The following CACNA1C variants were observed in gnomAD, a reference collection of about 807,000 sequenced individuals.
CACNA1C encodes calcium voltage-gated channel subunit alpha1 C.
In CACNA1C, 30 loss-of-function variants were observed where a neutral mutation model predicts 229.0. That is an observed-to-expected ratio of 0.13 (90% CI 0.10 to 0.18). CACNA1C has a LOEUF of 0.18. Among genes scored for constraint, CACNA1C ranks in the 10% least tolerant of loss-of-function variants. CACNA1C has a pLI of 1.00. For missense variants in CACNA1C, 1,658 were observed against 2,845.0 expected (o/e 0.58, Z 9.49); for synonymous variants, 1,114 against 1,132.5 (o/e 0.98, Z 0.33).
chr12:2,409,469 C>G (rs912861699), intron 3 of CACNA1C, among the ~76,000 whole-genome samples: 4 of 152,184 alleles, frequency 2.6e-5, no homozygotes, highest in African/African-American at 9.7e-5. Context: ...CGTAGGTGTG[C>G]CCTCCTTGAT....
chr12:2,381,306 T>C (rs191876425), intron 3 of CACNA1C, among the ~76,000 whole-genome samples: 5 of 152,356 alleles, frequency 3.3e-5, no homozygotes, highest in African/African-American at 1.2e-4. Flanking sequence ...AACCAAAGGC[T>C]AAGGGCCACC....
chr12:2,084,246 A>G (rs2066721243), intron 1 of CACNA1C, among the ~76,000 whole-genome samples: 1 of 152,102 alleles, frequency 6.6e-6, no homozygotes, highest in Non-Finnish European at 1.5e-5. Flanking sequence ...GTGGTCATCT[A>G]GTTTCTACTT....
At chr12:1,991,752 G>A (rs936297896) in intron 1 of CACNA1C, 4 of 155,456 alleles carry the variant, frequency 2.6e-5, no homozygotes, top group African/African-American at 9.7e-5. Context: ...GACTTAAGAA[G>A]GTTATTTTTT....
In CACNA1C at chr12:2,204,029, C is replaced by T. The variant is rs145702677; in HGVS notation, c.477+83599C>T. On this transcript the variant is annotated intron_variant, in intron 3 of 46. Transcript: ENST00000399655. ...GAGTTAGGAATGAATCAGAAGCAGA[C>T]GAGGGACATTTAAAACCTCTTAGAT... Among the ~76,000 whole-genome samples the T allele has an allele frequency of 2.9e-3, 439 of 152,304 alleles. 2 individuals carry two copies. Among genetic ancestry groups the T allele is most frequent in the Non-Finnish European group, 3.1e-3 (209 of 68,020 alleles).
rs1204791018 is a variant in CACNA1C, at chr12:2,581,748, G to A, written c.2054G>A (p.Arg685Gln). The A allele has an allele frequency of 2.5e-6, 4 of 1,613,096 alleles. No individual in the cohort carries two copies. Among genetic ancestry groups the A allele is most frequent in the Admixed American group, 1.7e-5 (1 of 59,942 alleles). Residue 685 changes from arginine to glutamine, a missense_variant, in exon 14 of 47, where the codon CGG becomes CAG. Coordinates refer to ENST00000399655, the MANE Select transcript of CACNA1C (RefSeq NM_000719.7). Reference sequence around the variant, plus strand: ...TTCAACTTTGATGAGATGCAGACCCGGAGGAGCACATTCGATAACTTCCCC... The same window carrying A: ...TTCAACTTTGATGAGATGCAGACCCAGAGGAGCACATTCGATAACTTCCCC... ...GKFNFDEMQT[R>Q]RSTFDNFPQS... is the part of the protein sequence containing the mutation.
chr12:2,245,696 C>G (rs1253143940), intron 3 of CACNA1C, among the ~76,000 whole-genome samples: 1 of 152,186 alleles, frequency 6.6e-6, no homozygotes, highest in Non-Finnish European at 1.5e-5. Context: ...ATCCCTTTGA[C>G]AGCAAAATCT....
At chr12:2,347,016 A>G (rs1216678199) in intron 3 of CACNA1C, among the ~76,000 whole-genome samples, 2 of 151,998 alleles carry the variant, frequency 1.3e-5, no homozygotes, top group East Asian at 3.9e-4. Flanking sequence ...ACCCCCTTTC[A>G]ATGAGTAGGG....
chr12:2,135,130 G>T (rs1204309392), intron 3 of CACNA1C, among the ~76,000 whole-genome samples: 1 of 147,896 alleles, frequency 6.8e-6, no homozygotes, highest in Non-Finnish European at 1.5e-5. Context: ...TCTTCATGTA[G>T]TTCTTGAGCC....
intron 11 of CACNA1C, among the ~76,000 whole-genome samples, chr12:2,565,178 C>A (rs1366699129): frequency 6.6e-6 from 1 of 152,200 alleles, no homozygotes; most frequent in African/African-American, 2.4e-5. Context: ...CTTAAAAATA[C>A]CCAACCCCGG....
At chr12:2,609,275 C>T (rs755178896) in intron 27 of CACNA1C, among the ~76,000 whole-genome samples, 3 of 152,046 alleles carry the variant, frequency 2.0e-5, no homozygotes, top group Non-Finnish European at 4.4e-5. Flanking sequence ...AGGAAGCTGT[C>T]GTGGTGGGAG....
intron 5 of CACNA1C, among the ~76,000 whole-genome samples, chr12:2,478,631 A>G (rs933135415): frequency 6.6e-6 from 1 of 152,218 alleles, no homozygotes; most frequent in East Asian, 1.9e-4. Flanking sequence ...TGCTTAAATT[A>G]ACTTGTTTAA....
intron 34 of CACNA1C, chr12:2,661,013 C>T (rs1004553335): frequency 1.8e-4 from 27 of 151,994 alleles, no homozygotes; most frequent in African/African-American, 6.5e-4. Flanking sequence ...ATCTCAACAA[C>T]TTGGGAGGCT....
intron 34 of CACNA1C, among the ~76,000 whole-genome samples, chr12:2,655,791 T>C (rs1410814044): frequency 1.3e-5 from 2 of 152,124 alleles, no homozygotes; most frequent in African/African-American, 4.8e-5. Context: ...GTTCAACATA[T>C]GCACATCAAT....
At chr12:2,047,075 G>C (rs1035466760) in intron 1 of CACNA1C, among the ~76,000 whole-genome samples, 1 of 152,190 alleles carries the variant, frequency 6.6e-6, no homozygotes. Flanking sequence ...TGCCTGAAAT[G>C]TTGCCCACAG....
chr12:2,500,273 A>AGCTCCCCT (rs2099756366), intron 7 of CACNA1C, among the ~76,000 whole-genome samples: 1 of 152,208 alleles, frequency 6.6e-6, no homozygotes, highest in African/African-American at 2.4e-5. Context: ...CTGTGGGGCC[A>AGCTCCCCT]TGACCTTGAG....
intron 3 of CACNA1C, among the ~76,000 whole-genome samples, chr12:2,260,445 C>T (rs1201514994): frequency 1.5e-5 from 2 of 136,872 alleles, no homozygotes; most frequent in African/African-American, 5.6e-5. Flanking sequence ...CACTGTGCTA[C>T]AGCCTTGGTG....
Position 2,115,377 on chromosome 12 carries a change from C to T in CACNA1C, c.203C>T (p.Ala68Val), listed in dbSNP as rs2083421942. The stretch of plus-strand genomic sequence containing the variant: ...CGGCAGGCTAAGCTGATGGGCAGCG[C>T]TGGCAATGCGACCATCTCCACAGTC... ...AARQAKLMGS[A>V]GNATISTVSS... is the part of the protein sequence containing the mutation. The change falls in exon 2 of 47, where the codon GCT (alanine) becomes GTT (valine). Residue 68 changes from alanine to valine, a missense_variant. By Grantham distance (64) the Ala-to-Val change is moderately conservative. This residue lies in a region of CACNA1C where 111 missense variants were observed against 128.0 expected (regional missense o/e 0.87). Transcript: ENST00000399655. 1.2e-6 allele frequency: 2 copies of T among 1,607,212 alleles called. No homozygotes were observed. The highest frequency in any genetic ancestry group is 2.7e-5 in the African/African-American group (2 of 74,866).
At position 2,585,491 on chromosome 12, in the gene CACNA1C, A is replaced by C; in HGVS notation, c.2455A>C (p.Thr819Pro). Reference sequence around the variant, plus strand: ...GGCTGACGGAGAGTCTCCACCCGCCACCAAGGTGAGGAGCTGTCTCCTTCC... The same window carrying C: ...GGCTGACGGAGAGTCTCCACCCGCCCCCAAGGTGAGGAGCTGTCTCCTTCC... Reference protein sequence around the residue: ...ITADGESPPATKINMDDLQPN... With the variant: ...ITADGESPPAPKINMDDLQPN... Residue 819 changes from threonine (T) to proline (P), a missense_variant, in exon 17 of 47, where the codon ACC becomes CCC. Physicochemically the swap from Thr to Pro is conservative, Grantham distance 38. Around this residue, in one of 20 missense-constraint regions of CACNA1C, gnomAD observed 121 missense variants for 128.8 expected, o/e 0.94. Coordinates refer to ENST00000399655, the MANE Select transcript of CACNA1C (RefSeq NM_000719.7). The surrounding 1 kb of genome is among the most constrained non-coding windows in gnomAD (Gnocchi z 4.1). 3.2e-6 allele frequency: 5 copies of C among 1,559,556 alleles called. No homozygotes were observed. Among genetic ancestry groups the C allele is most frequent in the Non-Finnish European group, 4.3e-6 (5 of 1,151,158 alleles).
At chr12:2,331,375 G>A (rs904074979) in intron 3 of CACNA1C, among the ~76,000 whole-genome samples, 10 of 152,134 alleles carry the variant, frequency 6.6e-5, no homozygotes, top group African/African-American at 2.4e-4. Flanking sequence ...CTAGATTTTG[G>A]TTTCTAATAT....
Sources: gnomAD v4.1 joint callset for allele counts (sites outside exome capture counted in the v4.1 genomes callset) on GRCh38, gnomAD v4.1.1 for gene constraint, gnomAD v4.1.1 regional missense constraint, Gnocchi (gnomAD v3.1) non-coding constraint, MANE v1.5 for transcripts, NCBI Gene and HGNC (gene_info 2026-07-23, HGNC 2026-07-21) for gene names.